KCNC2: variants seen among roughly 807,000 people sequenced by gnomAD.
The protein encoded by KCNC2 is potassium voltage-gated channel subfamily C member 2.
Under a neutral mutation model 44.5 loss-of-function variants are expected in KCNC2, and 21 were observed. The ratio of observed to expected loss-of-function variants is 0.47; its 90% CI spans 0.33 to 0.68. The LOEUF is 0.68. KCNC2 is among the 30% of genes least tolerant of loss of function. KCNC2 has a pLI of 0.01. For synonymous variants in KCNC2, 391 were observed against 339.1 expected (o/e 1.15, Z -1.68); for missense variants, 589 against 826.2 (o/e 0.71, Z 3.52).
intron 2 of KCNC2, among the ~76,000 whole-genome samples, chr12:75,116,217 G>T (rs936429524): frequency 1.3e-5 from 2 of 152,110 alleles, no homozygotes; most frequent in African/African-American, 2.4e-5. Context: ...TTCCAAAGAC[G>T]GTTGCAGGAC....
At chr12:75,051,361 C>A in intron 2 of KCNC2, 44 bp from the exon 3 acceptor site, 2 of 1,074,158 alleles carry the variant, frequency 1.9e-6, no homozygotes, top group Non-Finnish European at 2.7e-6. Context: ...TGATCTGAAT[C>A]GTAATATATG....
At chr12:75,162,518 T>A (rs2137532336) in intron 2 of KCNC2, among the ~76,000 whole-genome samples, 1 of 151,864 alleles carries the variant, frequency 6.6e-6, no homozygotes, top group South Asian at 2.1e-4. Flanking sequence ...TGTTCTTTCT[T>A]CTATTGCTGT....
In KCNC2 at chr12:75,188,559, T is replaced by C. The variant is rs377291237; in HGVS notation, c.687+18738A>G. ...GTATCATACTTTATCTGGCAGTACA[T>C]CCATAAAAAAATAACAAGGTGGCCG... On this transcript the variant is annotated intron_variant, in intron 2 of 4. Transcript: ENST00000549446. 2.0e-5 allele frequency among the ~76,000 whole-genome samples: 3 copies of C among 151,910 alleles called. No homozygotes were observed. In the South Asian group the frequency reaches 6.2e-4, roughly 32 times the overall value.
intron 2 of KCNC2, among the ~76,000 whole-genome samples, chr12:75,197,576 G>A (rs2030883069): frequency 6.6e-6 from 1 of 151,960 alleles, no homozygotes; most frequent in African/African-American, 2.4e-5. Flanking sequence ...GTGTTGCGAA[G>A]GCAAGTGCTA....
Position 75,042,467 on chromosome 12 carries a change from T to C in KCNC2, c.*638A>G. The stretch of plus-strand genomic sequence containing the variant: ...AAGAAATTAAACTATTTAAAACATA[T>C]ATTTCTTTCAAATAATAAGAAAAAA... On this transcript the variant is annotated 3_prime_UTR_variant, in exon 5 of 5. Coordinates refer to ENST00000549446, the MANE Select transcript of KCNC2 (RefSeq NM_139137.4). 1.3e-6 allele frequency: 2 copies of C among 1,492,014 alleles called. No individual in the cohort carries two copies. Among genetic ancestry groups the C allele is most frequent in the Admixed American group, 2.3e-5 (1 of 43,638 alleles). 92.4% of individuals were successfully genotyped at this position (1,492,014 alleles called of 1,614,324 possible).
At chr12:75,118,946 A>G (rs925742847) in intron 2 of KCNC2, among the ~76,000 whole-genome samples, 10 of 152,348 alleles carry the variant, frequency 6.6e-5, no homozygotes, top group Admixed American at 3.3e-4. Flanking sequence ...CTGGAAAAGG[A>G]GAAATTTGCT....
intron 2 of KCNC2, among the ~76,000 whole-genome samples, chr12:75,182,997 G>T (rs1449471089): frequency 6.6e-6 from 1 of 152,214 alleles, no homozygotes; most frequent in Non-Finnish European, 1.5e-5. Context: ...GCAGAAGAGG[G>T]AAGACAGATG....
intron 2 of KCNC2, among the ~76,000 whole-genome samples, chr12:75,165,388 A>G (rs77401749): frequency 6.6e-6 from 1 of 150,996 alleles, no homozygotes; most frequent in Non-Finnish European, 1.5e-5. Context: ...TTCTATTTTC[A>G]TATGTTATCT....
chr12:75,139,824 T>C (rs1406939512), intron 2 of KCNC2, among the ~76,000 whole-genome samples: 1 of 152,180 alleles, frequency 6.6e-6, no homozygotes, highest in East Asian at 1.9e-4. Flanking sequence ...TCGGAGGAAT[T>C]AATAAAGTAT....
intron 2 of KCNC2, among the ~76,000 whole-genome samples, chr12:75,169,333 A>G (rs1299784315): frequency 6.6e-6 from 1 of 151,602 alleles, no homozygotes; most frequent in African/African-American, 2.4e-5. Context: ...GCAATTCTGA[A>G]ACTAGTTGAA....
intron 2 of KCNC2, among the ~76,000 whole-genome samples, chr12:75,101,648 A>G (rs1886382850): frequency 1.3e-5 from 2 of 152,112 alleles, no homozygotes; most frequent in South Asian, 4.1e-4. Flanking sequence ...CTTAGGAAAT[A>G]AAAAAGACCA....
At chr12:75,084,912 A>G (rs920040520) in intron 2 of KCNC2, among the ~76,000 whole-genome samples, 5 of 150,304 alleles carry the variant, frequency 3.3e-5, no homozygotes, top group African/African-American at 1.2e-4. Flanking sequence ...TATAGATTTT[A>G]TATATATATT....
chr12:75,055,362 T>G (rs1292883553), intron 2 of KCNC2, among the ~76,000 whole-genome samples: 2 of 152,076 alleles, frequency 1.3e-5, no homozygotes, highest in African/African-American at 4.8e-5. Flanking sequence ...CAAATTGAAC[T>G]GGCTTATGGG....
At position 75,043,071 on chromosome 12, in the gene KCNC2, A is replaced by C; in HGVS notation, c.*34T>G. ...GGGTAAACAGCACTTGAATTAATAC[A>C]ATTTAGCCGACTGATGCAGTTTGGT... On this transcript the variant is annotated 3_prime_UTR_variant, in exon 5 of 5. Coordinates refer to ENST00000549446, the MANE Select transcript of KCNC2 (RefSeq NM_139137.4). 1 of 1,609,324 alleles carries C rather than the reference A, an allele frequency of 6.2e-7. No individual in the cohort carries two copies. Among genetic ancestry groups the C allele is most frequent in the Non-Finnish European group, 8.5e-7 (1 of 1,177,624 alleles).
At chr12:75,105,979 A>G (rs543805399) in intron 2 of KCNC2, among the ~76,000 whole-genome samples, 5 of 152,012 alleles carry the variant, frequency 3.3e-5, no homozygotes, top group African/African-American at 7.2e-5. Context: ...CAAAGTAACA[A>G]GAGTTTTAAG....
chr12:75,123,421 G>C (rs1317904094), intron 2 of KCNC2, among the ~76,000 whole-genome samples: 1 of 152,144 alleles, frequency 6.6e-6, no homozygotes, highest in East Asian at 1.9e-4. Flanking sequence ...AAAACAAACA[G>C]TTTGGTATCC....
chr12:75,206,803 C>G (rs749260827), intron 2 of KCNC2, among the ~76,000 whole-genome samples: 4 of 152,204 alleles, frequency 2.6e-5, no homozygotes, highest in Non-Finnish European at 5.9e-5. Context: ...TAGATACATT[C>G]CATTTCCCCT....
intron 2 of KCNC2, among the ~76,000 whole-genome samples, chr12:75,063,491 C>T (rs977886044): frequency 5.3e-5 from 8 of 152,014 alleles, no homozygotes; most frequent in Non-Finnish European, 8.8e-5. Flanking sequence ...TATCTCACCC[C>T]GGAAAAGCCA....
At chr12:75,043,602 G>T (rs1880163165) in intron 4 of KCNC2, 4 of 1,220,322 alleles carry the variant, frequency 3.3e-6, no homozygotes, top group South Asian at 5.9e-5. Context: ...ATTTCAGAAT[G>T]TATTCTTGAA....
Sources: allele counts gnomAD v4.1 joint callset (sites outside exome capture counted in the v4.1 genomes callset), GRCh38; gene constraint gnomAD v4.1.1; transcripts MANE v1.5; gene names NCBI Gene and HGNC (gene_info 2026-07-23, HGNC 2026-07-21).